The following ITSN2 variants were observed in gnomAD, a reference collection of about 807,000 sequenced individuals.
ITSN2 encodes intersectin 2, also known as intersectin-2.
Under a neutral mutation model 243.7 loss-of-function variants are expected in ITSN2, and 156 were observed. That is an observed-to-expected ratio of 0.64 (90% CI 0.56 to 0.73). The LOEUF is 0.73. ITSN2 is among the 30% of genes least tolerant of loss of function. The pLI is 0.00. For synonymous variants in ITSN2, 703 were observed against 699.9 expected (o/e 1.00, Z -0.07); for missense variants, 1,801 against 1,996.1 (o/e 0.90, Z 1.86).
chr2:24,296,996 C>A (rs1337955027), intron 13 of ITSN2, among the ~76,000 whole-genome samples: 1 of 152,050 alleles, frequency 6.6e-6, no homozygotes, highest in Non-Finnish European at 1.5e-5. Flanking sequence ...GAGGGAAAAA[C>A]AATCAATCTT....
At position 24,209,210 on chromosome 2, in the gene ITSN2, C is replaced by T; in HGVS notation, c.4485G>A (p.Leu1495=). Residue 1495 remains leucine (L), a synonymous_variant, in exon 36 of 40, where the codon CTG becomes CTA. Transcript: ENST00000355123. ...QFKMYKTPIF[L]NEVLVKLPTD... is the part of the protein sequence containing the mutation. ...TGGGCAGTTTCACCAAGACTTCATT[C>T]AGGAAAATGGGCTGAAAGAATTAGG... The T allele has an allele frequency of 6.2e-7, 1 of 1,614,046 alleles. No individual in the cohort carries two copies. The highest frequency in any genetic ancestry group is 8.5e-7 in the Non-Finnish European group (1 of 1,179,954).
At chr2:24,289,120 T>C (rs758881643) in intron 15 of ITSN2, among the ~76,000 whole-genome samples, 1 of 152,232 alleles carries the variant, frequency 6.6e-6, no homozygotes, top group South Asian at 2.1e-4. Flanking sequence ...TGATTCCATA[T>C]ACGTTTTAAA....
chr2:24,215,959 T>C (rs1029721737), intron 32 of ITSN2, 90 bp downstream of exon 32: 4 of 920,604 alleles, frequency 4.3e-6, no homozygotes, highest in Non-Finnish European at 6.2e-6. Flanking sequence ...GATGCCCTTC[T>C]CCATTGCTGG....
intron 25 of ITSN2, among the ~76,000 whole-genome samples, chr2:24,250,636 A>C (rs1673966377): frequency 1.3e-5 from 2 of 152,352 alleles, no homozygotes; most frequent in South Asian, 4.1e-4. Flanking sequence ...AGTGAATTTT[A>C]ATGTAACAGT....
At chr2:24,331,061 C>G (rs866118715) in intron 1 of ITSN2, among the ~76,000 whole-genome samples, 10 of 148,424 alleles carry the variant, frequency 6.7e-5, no homozygotes, top group African/African-American at 2.3e-4. Context: ...GCCACTGCAC[C>G]CGGCCACTTT....
At chr2:24,284,866 A>C (rs1197368096) in intron 16 of ITSN2, 23 bp from the exon 17 acceptor site, 1 of 1,421,300 alleles carries the variant, frequency 7.0e-7, no homozygotes, top group Non-Finnish European at 9.8e-7. Context: ...GCAGATAAAA[A>C]GCCAATTAAA....
At chr2:24,278,310 T>C (rs1462433987) in intron 17 of ITSN2, among the ~76,000 whole-genome samples, 1 of 152,226 alleles carries the variant, frequency 6.6e-6, no homozygotes, top group African/African-American at 2.4e-5. Flanking sequence ...AACTATATGA[T>C]TGCCTCCTCC....
At chr2:24,238,345 A>AT (rs1672379616) in intron 29 of ITSN2, among the ~76,000 whole-genome samples, 2 of 151,822 alleles carry the variant, frequency 1.3e-5, no homozygotes, top group Admixed American at 1.3e-4. Flanking sequence ...TGTTAGTTGA[A>AT]TAAGTTTCCG....
chr2:24,280,649 C>T (rs1432457863), intron 17 of ITSN2, among the ~76,000 whole-genome samples: 2 of 152,136 alleles, frequency 1.3e-5, no homozygotes, highest in Non-Finnish European at 2.9e-5. Flanking sequence ...ATTTTCCTTG[C>T]TCTTCACTGC....
At chr2:24,332,547 T>C (rs1309435167) in intron 1 of ITSN2, among the ~76,000 whole-genome samples, 2 of 152,190 alleles carry the variant, frequency 1.3e-5, no homozygotes, top group East Asian at 1.9e-4. Context: ...CCCATGCACA[T>C]AGGTACCATA....
At chr2:24,340,876 A>AT (rs1686983754) in intron 1 of ITSN2, among the ~76,000 whole-genome samples, 1 of 152,310 alleles carries the variant, frequency 6.6e-6, no homozygotes, top group Non-Finnish European at 1.5e-5. Context: ...CATATAAAAA[A>AT]ATATATAAGA....
chr2:24,265,500 T>C (rs1377647553), intron 20 of ITSN2, among the ~76,000 whole-genome samples: 1 of 152,238 alleles, frequency 6.6e-6, no homozygotes, highest in African/African-American at 2.4e-5. Flanking sequence ...ATAGATTCTA[T>C]GGGACTTTTT....
chr2:24,224,626 G>A (rs1240267655), intron 29 of ITSN2, among the ~76,000 whole-genome samples: 2 of 142,708 alleles, frequency 1.4e-5, no homozygotes, highest in South Asian at 2.3e-4. Context: ...TCATCATGAC[G>A]GCTCTTCAAC....
Position 24,252,451 on chromosome 2 carries a change from C to T in ITSN2, c.3014G>A (p.Gly1005Asp), listed in dbSNP as rs766325505. The T allele has an allele frequency of 3.7e-6, 6 of 1,612,730 alleles. No individual in the cohort carries two copies. In the East Asian group the frequency reaches 1.1e-4, roughly 30 times the overall value. ...TTTCTGGGTCACCAATATTTCTTCACCTTCTGTGAAAGTCAAATCTCCAGG... is the reference window on the plus strand; with the variant it reads ...TTTCTGGGTCACCAATATTTCTTCATCTTCTGTGAAAGTCAAATCTCCAGG... ...VEPGDLTFTEGEEILVTQKDG... is the reference protein window; with the variant it reads ...VEPGDLTFTEDEEILVTQKDG... Residue 1005 changes from glycine to aspartate, a missense_variant, in exon 25 of 40, where the codon GGT (glycine) becomes GAT (aspartate). Gly to Asp is a moderately conservative substitution (Grantham distance 94). Around this residue, in one of 5 missense-constraint regions of ITSN2, gnomAD observed 928 missense variants for 1,065.4 expected, o/e 0.87. Transcript: ENST00000355123.
chr2:24,232,697 TAAGTA>T (rs916468997), intron 29 of ITSN2, among the ~76,000 whole-genome samples: 7 of 152,220 alleles, frequency 4.6e-5, no homozygotes, highest in Non-Finnish European at 7.3e-5. Context: ...CCCTGCTCTA[TAAGTA>T]AATAGATAAT....
At chr2:24,276,998 G>A (rs1018737790) in intron 17 of ITSN2, among the ~76,000 whole-genome samples, 2 of 152,196 alleles carry the variant, frequency 1.3e-5, no homozygotes, top group Non-Finnish European at 2.9e-5. Context: ...TACTATAGAA[G>A]CTGAATGTTC....
rs200754795 is a variant in ITSN2, at chr2:24,270,649, A to T, written c.2355+22T>A. On this transcript the variant is annotated intron_variant, in intron 20 of 39. Coordinates refer to ENST00000355123, the MANE Select transcript of ITSN2 (RefSeq NM_006277.3). The stretch of plus-strand genomic sequence containing the variant: ...CAATGTATTTAGGTTATTCATGATT[A>T]AAAAAAAAATTCATTTCCTACCTGA... 2.5e-4 allele frequency: 257 copies of T among 1,025,378 alleles called. 5 individuals carry two copies. The South Asian group carries it at 2.7e-3, about 11-fold the overall frequency. 63.5% of individuals were successfully genotyped at this position (1,025,378 alleles called of 1,614,324 possible). A position where few individuals can be genotyped will look rare whatever the true frequency, so the allele number is the denominator to read the frequency against.
intron 1 of ITSN2, among the ~76,000 whole-genome samples, chr2:24,330,165 C>T (rs1375013238): frequency 3.9e-5 from 6 of 152,132 alleles, no homozygotes; most frequent in Admixed American, 1.3e-4. Context: ...GAAAAACCAA[C>T]GAGGAATGGG....
chr2:24,218,416 C>A (rs1282974919), intron 30 of ITSN2, among the ~76,000 whole-genome samples: 2 of 152,178 alleles, frequency 1.3e-5, no homozygotes, highest in Non-Finnish European at 2.9e-5. Context: ...GTGAGACATT[C>A]AACAGGAGAA....
Sources: allele counts gnomAD v4.1 joint callset (sites outside exome capture counted in the v4.1 genomes callset), GRCh38; gene constraint gnomAD v4.1.1; regional missense constraint gnomAD v4.1.1; transcripts MANE v1.5; gene names NCBI Gene and HGNC (gene_info 2026-07-23, HGNC 2026-07-21).